AK9: variants seen among roughly 807,000 people sequenced by gnomAD.
The protein encoded by AK9 is adenylate kinase 9.
In AK9, 191 loss-of-function variants were observed where a neutral mutation model predicts 239.6. That is an observed-to-expected ratio of 0.80 (90% CI 0.71 to 0.90). AK9 has a LOEUF of 0.90. AK9 is among the 40% of genes least tolerant of loss of function. AK9 has a pLI of 0.00. For synonymous variants in AK9, 689 were observed against 721.0 expected, an observed-to-expected ratio of 0.96 and a Z score of 0.71; for missense variants, 1,995 against 2,214.7, an observed-to-expected ratio of 0.90 and a Z score of 1.99.
chr6:109,515,957 A>C lies in AK9; in HGVS notation c.3965T>G (p.Ile1322Ser). The change falls in exon 31 of 41, where the codon ATT becomes AGT. Residue 1322 changes from isoleucine (I) to serine (S), a missense_variant. By Grantham distance (142) the Ile-to-Ser change is moderately radical. Coordinates refer to ENST00000424296, the MANE Select transcript of AK9 (RefSeq NM_001145128.3). ...LKPLVENRAS[I>S]FEKCHPIPAP... ...TGGTATTGGATGACATTTCTCAAAA[A>C]TGCTTGCACGATTTTCCACCAGTGG... 6.4e-7 allele frequency: 1 copy of C among 1,551,710 alleles called. No individual in the cohort carries two copies.
intron 35 of AK9, among the ~76,000 whole-genome samples, chr6:109,500,513 C>T (rs186437725): frequency 3.0e-4 from 46 of 152,218 alleles, no homozygotes; most frequent in Non-Finnish European, 5.1e-4. Context: ...TGTCGTTTTA[C>T]CAAGGCAAAG....
At chr6:109,619,027 C>A (rs893243927) in intron 13 of AK9, 65 bp downstream of exon 13, 4 of 1,477,850 alleles carry the variant, frequency 2.7e-6, no homozygotes, top group Admixed American at 5.0e-5. Context: ...AAAGTCCTTG[C>A]TTTCAAGTAG....
intron 17 of AK9, among the ~76,000 whole-genome samples, chr6:109,598,140 T>G (rs1335342366): frequency 6.6e-6 from 1 of 152,278 alleles, no homozygotes; most frequent in Admixed American, 6.5e-5. Context: ...TTGTTACATA[T>G]GTACACACGT....
At chr6:109,522,231 A>G (rs181764121) in intron 29 of AK9, among the ~76,000 whole-genome samples, 1 of 152,106 alleles carries the variant, frequency 6.6e-6, no homozygotes, top group African/African-American at 2.4e-5. Flanking sequence ...GCCAATCTCA[A>G]ATTTCATAAG....
chr6:109,649,422 A>G (rs1231595534), intron 8 of AK9, among the ~76,000 whole-genome samples: 1 of 152,120 alleles, frequency 6.6e-6, no homozygotes, highest in East Asian at 1.9e-4. Flanking sequence ...ATGTATAAAA[A>G]TCACAAGCAT....
rs2128107540 is a variant in AK9, at chr6:109,509,284, G to A, written c.4376C>T (p.Ala1459Val). 6.4e-7 allele frequency: 1 copy of A among 1,551,864 alleles called. No homozygotes were observed. The highest frequency in any genetic ancestry group is 8.7e-7 in the Non-Finnish European group (1 of 1,147,010). The change falls in exon 33 of 41, where the codon GCA (alanine) becomes GTA (valine). Residue 1459 changes from alanine (A) to valine (V), a missense_variant. Around this residue, in one of 5 missense-constraint regions of AK9, gnomAD observed 45 missense variants for 80.5 expected, o/e 0.56. Coordinates refer to ENST00000424296, the MANE Select transcript of AK9 (RefSeq NM_001145128.3). Reference sequence around the variant, plus strand: ...ATGAAGATGCCAATTTAACATAAGTGCCAGCTCTGTTTCCGGGTGATTGTT... The same window carrying A: ...ATGAAGATGCCAATTTAACATAAGTACCAGCTCTGTTTCCGGGTGATTGTT... ...VLNNHPETEL[A>V]LMLNWHLHKG...
rs971670006 is a variant in AK9 at position 109,619,239 on chromosome 6, G to A, written c.1255-3C>T. The A allele has an allele frequency of 8.5e-6, 13 of 1,537,506 alleles. No individual in the cohort carries two copies. Among genetic ancestry groups the A allele is most frequent in the Non-Finnish European group, 1.1e-5 (13 of 1,143,044 alleles). On this transcript the variant is annotated splice_region_variant and splice_polypyrimidine_tract_variant and intron_variant, in intron 12 of 40. Coordinates refer to ENST00000424296, the MANE Select transcript of AK9 (RefSeq NM_001145128.3). Reference sequence around the variant, plus strand: ...ACAAGTTGGGCATAGTCGACTACCTGCAAAGAATATTTGAGAAAATCGACA... The same window carrying A: ...ACAAGTTGGGCATAGTCGACTACCTACAAAGAATATTTGAGAAAATCGACA...
At position 109,516,317 on chromosome 6, in the gene AK9, GC is replaced by G. The variant is rs1779273450; in HGVS notation, c.3846+112del. On this transcript the variant is annotated intron_variant, in intron 30 of 40. Transcript: ENST00000424296. ...AATGATACCGATAAAAGGAAATACA[GC>G]CCTAAAATATACATTTTTTAAATGT... The G allele has an allele frequency of 4.1e-6, 4 of 983,206 alleles. No homozygotes were observed. In the East Asian group the frequency reaches 1.0e-4, roughly 26 times the overall value. 60.9% of individuals were successfully genotyped at this position (983,206 alleles called of 1,614,324 possible).
At position 109,497,473 on chromosome 6, in the gene AK9, T is replaced by G. The variant is rs1777196156; in HGVS notation, c.5307A>C (p.Lys1769Asn). The change falls in exon 38 of 41, where the codon AAA (lysine) becomes AAC (asparagine). Residue 1769 changes from lysine (K) to asparagine (N), a missense_variant. Lys to Asn is a moderately conservative substitution (Grantham distance 94). Coordinates refer to ENST00000424296, the MANE Select transcript of AK9 (RefSeq NM_001145128.3). ...YICENKEKLQ[K>N]FLRSPLKYWE... Reference sequence around the variant, plus strand: ...TGATTTAATGGTCTCACCTCAAAAATTTCTGGAGTTTTTCTTTGTTCTCAC... The same window carrying G: ...TGATTTAATGGTCTCACCTCAAAAAGTTCTGGAGTTTTTCTTTGTTCTCAC... The G allele has an allele frequency of 2.5e-6, 4 of 1,584,030 alleles. No homozygotes were observed. The highest frequency in any genetic ancestry group is 3.5e-6 in the Non-Finnish European group (4 of 1,153,604).
At chr6:109,583,125 G>A (rs185214623) in intron 19 of AK9, among the ~76,000 whole-genome samples, 1 of 152,144 alleles carries the variant, frequency 6.6e-6, no homozygotes, top group Non-Finnish European at 1.5e-5. Flanking sequence ...TTGCTTTACT[G>A]TGGTGGCCTG....
chr6:109,659,089 G>A (rs909503961), intron 7 of AK9, 139 bp downstream of exon 7: 25 of 1,154,600 alleles, frequency 2.2e-5, no homozygotes, highest in Middle Eastern at 3.0e-4. Flanking sequence ...AAAGATTTTT[G>A]CTTATTTCCT....
At position 109,652,835 on chromosome 6, in the gene AK9, T is replaced by C. The variant is rs573396249; in HGVS notation, c.759+3921A>G. On this transcript the variant is annotated intron_variant, in intron 8 of 40. Coordinates refer to ENST00000424296, the MANE Select transcript of AK9 (RefSeq NM_001145128.3). ...TATACAACCATTCACCTCATTGATA[T>C]AAATATATGCACACATATAAATGTT... 1.1e-4 allele frequency among the ~76,000 whole-genome samples: 16 copies of C among 152,360 alleles called. 1 individual carries two copies. In the South Asian group the frequency reaches 3.1e-3, roughly 30 times the overall value.
At chr6:109,541,941 A>G (rs1582920637) in intron 27 of AK9, 106 bp downstream of exon 27, 3 of 1,010,836 alleles carry the variant, frequency 3.0e-6, no homozygotes, top group Non-Finnish European at 4.1e-6. Flanking sequence ...GCTTACATGA[A>G]TATAAAGGAG....
intron 27 of AK9, among the ~76,000 whole-genome samples, chr6:109,539,461 T>G (rs974813236): frequency 7.2e-5 from 11 of 152,238 alleles, no homozygotes; most frequent in African/African-American, 2.7e-4. Context: ...CATCAGGTCC[T>G]TTAAGGAGTT....
chr6:109,575,873 T>G (rs186850083), intron 20 of AK9, among the ~76,000 whole-genome samples: 136 of 152,348 alleles, frequency 8.9e-4, no homozygotes, highest in African/African-American at 2.8e-3. Flanking sequence ...GCTTCATTCT[T>G]CATTGTGGCT....
At chr6:109,571,821 G>T (rs908431865) in intron 21 of AK9, among the ~76,000 whole-genome samples, 3 of 152,086 alleles carry the variant, frequency 2.0e-5, no homozygotes, top group Non-Finnish European at 4.4e-5. Context: ...TTTTTCTCAG[G>T]TATGCTACTG....
At chr6:109,651,341 G>A (rs572608575) in intron 8 of AK9, among the ~76,000 whole-genome samples, 1 of 152,100 alleles carries the variant, frequency 6.6e-6, no homozygotes, top group Non-Finnish European at 1.5e-5. Context: ...CGAAATGAAG[G>A]CAGAAATAAA....
intron 12 of AK9, chr6:109,632,310 C>G (rs931772536): frequency 1.3e-4 from 133 of 985,586 alleles, no homozygotes; most frequent in Non-Finnish European, 1.6e-4. Context: ...TTCCTTCTTG[C>G]ATAGGCAATC....
At position 109,564,195 on chromosome 6, in the gene AK9, G is replaced by T; in HGVS notation, c.2520C>A (p.Ile840=). 1.3e-6 allele frequency: 2 copies of T among 1,551,338 alleles called. No individual in the cohort carries two copies. Among genetic ancestry groups the T allele is most frequent in the South Asian group, 2.4e-5 (2 of 84,038 alleles). ...PFKEKIGSFI[I]LWKQLEATIS... ...TTGTTGCTTCTAGCTGTTTCCAGAG[G>T]ATGATGAAAGAACCAATCTTCTCTT... Residue 840 remains isoleucine, a synonymous_variant, in exon 23 of 41, where the codon ATC becomes ATA. Transcript: ENST00000424296.
Sources: allele counts gnomAD v4.1 joint callset (sites outside exome capture counted in the v4.1 genomes callset), GRCh38; gene constraint gnomAD v4.1.1; regional missense constraint gnomAD v4.1.1; transcripts MANE v1.5; gene names NCBI Gene and HGNC (gene_info 2026-07-23, HGNC 2026-07-21).